The following PACRG variants were observed in gnomAD, a reference collection of about 807,000 sequenced individuals.
The protein encoded by PACRG is parkin coregulated gene protein.
In PACRG, 29 loss-of-function variants were observed where a neutral mutation model predicts 29.7. The observed-to-expected ratio is 0.98, with a 90% CI of 0.73 to 1.33. The LOEUF is 1.33. Among genes scored for constraint, PACRG ranks in the 40% most tolerant of loss-of-function variants. The pLI, the probability that PACRG is intolerant of heterozygous loss-of-function variation, is 0.00. For missense variants in PACRG, 279 were observed against 316.2 expected, an observed-to-expected ratio of 0.88 and a Z score of 0.89; for synonymous variants, 116 against 118.7, an observed-to-expected ratio of 0.98 and a Z score of 0.15.
At chr6:162,728,488 C>A in intron 1 of PACRG, 97 bp downstream of exon 1, 2 of 1,448,646 alleles carry the variant, frequency 1.4e-6, no homozygotes, top group Non-Finnish European at 1.9e-6. Context: ...TGAGCCATGT[C>A]CTGGGTGGTC....
chr6:162,995,673 C>T (rs1012875326), intron 2 of PACRG, among the ~76,000 whole-genome samples: 15 of 152,212 alleles, frequency 9.9e-5, no homozygotes, highest in East Asian at 9.6e-4. Context: ...CCGGTACCTC[C>T]GATGGAAATG....
At chr6:163,245,035 G>T (rs1309312295) in intron 4 of PACRG, 1 of 455,456 alleles carries the variant, frequency 2.2e-6, no homozygotes, top group South Asian at 1.6e-5. Flanking sequence ...TACCATCATT[G>T]TATGTAAAAG....
intron 2 of PACRG, among the ~76,000 whole-genome samples, chr6:163,021,005 A>G (rs142019778): frequency 0.013 from 1,947 of 152,224 alleles, 49 homozygotes; most frequent in African/African-American, 0.043. Context: ...CTTGCTCTTC[A>G]GAGGCTGTGT....
At chr6:162,881,716 G>T (rs1793864209) in intron 2 of PACRG, among the ~76,000 whole-genome samples, 1 of 151,052 alleles carries the variant, frequency 6.6e-6, no homozygotes, top group Non-Finnish European at 1.5e-5. Flanking sequence ...GGGTGGGGGG[G>T]TGCACTCTCC....
intron 2 of PACRG, among the ~76,000 whole-genome samples, chr6:162,904,083 A>G (rs1054237743): frequency 2.6e-5 from 4 of 152,310 alleles, no homozygotes; most frequent in Middle Eastern, 3.4e-3. Flanking sequence ...GTTCTATGTT[A>G]CAGCCTTGAA....
chr6:163,184,349 T>C (rs1779813995), intron 4 of PACRG, among the ~76,000 whole-genome samples: 1 of 152,206 alleles, frequency 6.6e-6, no homozygotes, highest in African/African-American at 2.4e-5. Flanking sequence ...AATGCTACAT[T>C]AAAGACAGTG....
At chr6:163,171,829 C>T (rs1353614756) in intron 4 of PACRG, among the ~76,000 whole-genome samples, 4 of 152,160 alleles carry the variant, frequency 2.6e-5, no homozygotes, top group African/African-American at 9.6e-5. Flanking sequence ...TGGCCCAAGT[C>T]GGTAGCACTG....
intron 4 of PACRG, among the ~76,000 whole-genome samples, chr6:163,169,576 T>C (rs1409341176): frequency 6.6e-6 from 1 of 152,190 alleles, no homozygotes; most frequent in African/African-American, 2.4e-5. Flanking sequence ...CACGGCTGCG[T>C]GCTGTGCTCC....
chr6:162,780,188 C>T (rs1443755869), intron 1 of PACRG, among the ~76,000 whole-genome samples: 1 of 152,110 alleles, frequency 6.6e-6, no homozygotes, highest in African/African-American at 2.4e-5. Flanking sequence ...AGAAATAGTT[C>T]CTTTTCCCAA....
At chr6:162,844,817 C>T (rs1310061430) in intron 2 of PACRG, among the ~76,000 whole-genome samples, 2 of 152,102 alleles carry the variant, frequency 1.3e-5, no homozygotes, top group Non-Finnish European at 2.9e-5. Flanking sequence ...ATATTTTCTC[C>T]AGTATTATAG....
chr6:163,110,554 A>T (rs1388980927), intron 4 of PACRG, among the ~76,000 whole-genome samples: 1 of 152,206 alleles, frequency 6.6e-6, no homozygotes. Flanking sequence ...AGGAGAGCAC[A>T]GCTCAATTTG....
intron 2 of PACRG, among the ~76,000 whole-genome samples, chr6:163,005,681 G>T (rs1468911464): frequency 6.8e-6 from 1 of 146,580 alleles, no homozygotes; most frequent in Non-Finnish European, 1.5e-5. Context: ...AAATGTATTT[G>T]TTTATCTCTA....
chr6:162,729,097 A>T (rs1414896956), intron 1 of PACRG, among the ~76,000 whole-genome samples: 1 of 152,216 alleles, frequency 6.6e-6, no homozygotes, highest in Non-Finnish European at 1.5e-5. Flanking sequence ...TAGAGAAAAA[A>T]GATTAAAAAT....
At chr6:163,247,442 A>G (rs1305491495) in intron 4 of PACRG, among the ~76,000 whole-genome samples, 1 of 152,208 alleles carries the variant, frequency 6.6e-6, no homozygotes, top group South Asian at 2.1e-4. Context: ...GCTTTATATT[A>G]TGTAGTTTAT....
chr6:163,089,859 A>AT (rs1293497781), intron 4 of PACRG, among the ~76,000 whole-genome samples: 2 of 152,118 alleles, frequency 1.3e-5, no homozygotes, highest in African/African-American at 2.4e-5. Flanking sequence ...TGATTCATTT[A>AT]TTTTTTGTAG....
At chr6:162,920,831 A>G (rs1036147602) in intron 2 of PACRG, among the ~76,000 whole-genome samples, 3 of 152,174 alleles carry the variant, frequency 2.0e-5, no homozygotes, top group East Asian at 1.9e-4. Context: ...TCATTAGTTC[A>G]TGTTTAAATT....
intron 4 of PACRG, among the ~76,000 whole-genome samples, chr6:163,276,754 G>A (rs555895553): frequency 1.3e-5 from 2 of 152,250 alleles, no homozygotes; most frequent in East Asian, 3.9e-4. Context: ...CTTTCACCAC[G>A]TGAGGACACA....
At chr6:162,838,855 T>A (rs989036749) in intron 2 of PACRG, among the ~76,000 whole-genome samples, 2 of 149,322 alleles carry the variant, frequency 1.3e-5, no homozygotes, top group Non-Finnish European at 3.0e-5. Context: ...TGGTTTTTTG[T>A]TCTTGCGATA....
intron 4 of PACRG, among the ~76,000 whole-genome samples, chr6:163,257,542 T>C (rs902885576): frequency 2.0e-5 from 3 of 152,234 alleles, no homozygotes; most frequent in African/African-American, 7.2e-5. Flanking sequence ...ACTATCAAAC[T>C]ACGTTCATTG....
Sources: allele counts gnomAD v4.1 joint callset (sites outside exome capture counted in the v4.1 genomes callset), GRCh38; gene constraint gnomAD v4.1.1; transcripts MANE v1.5; gene names NCBI Gene and HGNC (gene_info 2026-07-23, HGNC 2026-07-21).